Variants in DAB2IP observed in about 807,000 individuals in gnomAD.
DAB2IP encodes DAB2 interacting protein, also known as disabled homolog 2-interacting protein.
In DAB2IP, 28 loss-of-function variants were observed where a neutral mutation model predicts 107.2. The observed-to-expected ratio is 0.26, with a 90% CI of 0.19 to 0.36. DAB2IP has a LOEUF of 0.36. Among genes scored for constraint, DAB2IP ranks in the 10% least tolerant of loss-of-function variants. The probability of loss-of-function intolerance (pLI) is 1.00; values close to 1 mark genes in which losing one functional copy is unlikely to be tolerated. For missense variants in DAB2IP, 1,400 were observed against 1,644.7 expected, an observed-to-expected ratio of 0.85 and a Z score of 2.57; for synonymous variants, 755 against 706.4, an observed-to-expected ratio of 1.07 and a Z score of -1.09.
intron 4 of DAB2IP, among the ~76,000 whole-genome samples, chr9:121,758,021 A>G (rs1005001082): frequency 1.1e-4 from 17 of 152,254 alleles, no homozygotes; most frequent in African/African-American, 4.1e-4. Context: ...TTTCTGGTTC[A>G]GGACTCCTGG....
At chr9:121,768,503 G>A (rs752311929) in exon 10 of DAB2IP, 12 of 1,614,170 alleles carry the variant, frequency 7.4e-6, no homozygotes, top group South Asian at 2.2e-5. Context: ...AACATGCAGC[G>A]CTTCCTGCTG....
At chr9:121,603,503 T>C (rs78158385) in intron 1 of DAB2IP, among the ~76,000 whole-genome samples, 1,955 of 152,320 alleles carry the variant, frequency 0.013, 23 homozygotes, top group South Asian at 0.038. Context: ...AATGTGTGTA[T>C]GTGGGCAGGG....
chr9:121,703,112 G>A (rs1217753839), intron 3 of DAB2IP, among the ~76,000 whole-genome samples: 3 of 152,186 alleles, frequency 2.0e-5, no homozygotes, highest in South Asian at 2.1e-4. Flanking sequence ...CAAGTGATAA[G>A]GGACTAGGGA....
At chr9:121,645,306 G>C (rs1484183997) in intron 1 of DAB2IP, among the ~76,000 whole-genome samples, 1 of 152,202 alleles carries the variant, frequency 6.6e-6, no homozygotes, top group Non-Finnish European at 1.5e-5. Flanking sequence ...AGGAAGGAGG[G>C]CTGGGGCTGG....
chr9:121,683,266 AT>A (rs1828687326), intron 2 of DAB2IP, among the ~76,000 whole-genome samples: 1 of 152,042 alleles, frequency 6.6e-6, no homozygotes, highest in Non-Finnish European at 1.5e-5. Flanking sequence ...CCGTGGTTTG[AT>A]TTGGGAGGCA....
rs193112823 is a variant in DAB2IP, at chr9:121,596,261, A to G, written c.40+29033A>G. On this transcript the variant is annotated intron_variant, in intron 1 of 16. Coordinates refer to the DAB2IP transcript ENST00000259371. ...CAGGAGAATCTCTTGAACCCAGGAG[A>G]CAGAGGTTGCGGTGAACTGAGATCG... Among the ~76,000 whole-genome samples, 21 of 152,262 alleles carry G rather than the reference A, an allele frequency of 1.4e-4. No homozygotes were observed. In the East Asian group the frequency reaches 4.1e-3, roughly 29 times the overall value.
At chr9:121,694,682 T>C (rs1400627289) in intron 2 of DAB2IP, among the ~76,000 whole-genome samples, 1 of 152,040 alleles carries the variant, frequency 6.6e-6, no homozygotes, top group Non-Finnish European at 1.5e-5. Flanking sequence ...CCACTCAAAC[T>C]GCCCTGTGCT....
At chr9:121,594,117 T>G (rs546023240) in intron 1 of DAB2IP, among the ~76,000 whole-genome samples, 2 of 152,150 alleles carry the variant, frequency 1.3e-5, no homozygotes, top group Non-Finnish European at 2.9e-5. Flanking sequence ...ATAATAACCC[T>G]TGTGATAATC....
Position 121,773,036 on chromosome 9 carries a change from G to T in DAB2IP, c.2508G>T (p.Ala836=), listed in dbSNP as rs373684988. 3 of 1,612,114 alleles carry T rather than the reference G, an allele frequency of 1.9e-6. No individual in the cohort carries two copies. The African/African-American group carries it at 4.0e-5, about 22-fold the overall frequency. The change falls in exon 12 of 16, where the codon GCG becomes GCT. Residue 836 remains alanine (A), a synonymous_variant. Coordinates refer to ENST00000408936, the Ensembl canonical transcript of DAB2IP. ...TCCAGAACCCTGTGTACCAGATGGCGGCTGGCCTGCCGCTGTCACCCCGTG... is the reference window on the plus strand; with the variant it reads ...TCCAGAACCCTGTGTACCAGATGGCTGCTGGCCTGCCGCTGTCACCCCGTG...
chr9:121,578,800 G>T (rs903370728), intron 1 of DAB2IP, among the ~76,000 whole-genome samples: 1 of 120,896 alleles, frequency 8.3e-6, no homozygotes, highest in African/African-American at 3.1e-5. Flanking sequence ...GAGTGCAGAG[G>T]CACGATCTTG....
At chr9:121,659,450 GGT>G (rs1157696739) in intron 1 of DAB2IP, among the ~76,000 whole-genome samples, 1 of 152,136 alleles carries the variant, frequency 6.6e-6, no homozygotes, top group Non-Finnish European at 1.5e-5. Flanking sequence ...TGCAGCATAG[GGT>G]GTCATTATAG....
chr9:121,629,773 G>C (rs1031894641), intron 1 of DAB2IP, among the ~76,000 whole-genome samples: 90 of 152,142 alleles, frequency 5.9e-4, no homozygotes, highest in African/African-American at 2.1e-3. Flanking sequence ...TGAGGCAGGT[G>C]GGTGGAGATG....
chr9:121,741,054 G>A (rs1005910139), intron 3 of DAB2IP, among the ~76,000 whole-genome samples: 2 of 152,122 alleles, frequency 1.3e-5, no homozygotes, highest in African/African-American at 4.8e-5. Flanking sequence ...CTCAAGAATA[G>A]TGGCCAGATG....
Position 121,772,385 on chromosome 9 carries a change from T to C in DAB2IP, c.2079-222T>C, listed in dbSNP as rs1834825873. 6.6e-6 allele frequency among the ~76,000 whole-genome samples: 1 copy of C among 152,138 alleles called. No homozygotes were observed. The highest frequency in any genetic ancestry group is 1.5e-5 in the Non-Finnish European group (1 of 68,020). On this transcript the variant is annotated intron_variant, in intron 11 of 15. Coordinates refer to ENST00000408936, the Ensembl canonical transcript of DAB2IP. This position sits in a 1 kb window ranked among gnomAD's most constrained non-coding sequence, Gnocchi z 4.7. ...AGGCAGCGCGGCCTGAAATGTGCAG[T>C]GCTGGCCCCTAAAGAAGAGGTTCTG...
At chr9:121,631,814 A>AC (rs1831896091) in intron 1 of DAB2IP, among the ~76,000 whole-genome samples, 1 of 71,084 alleles carries the variant, frequency 1.4e-5, no homozygotes, top group South Asian at 5.1e-4. Flanking sequence ...GACTCCGTCT[A>AC]AAAAAAAAAA....
At position 121,758,755 on chromosome 9, in the gene DAB2IP, T is replaced by G. The variant is rs73664522; in HGVS notation, c.517-143T>G. On this transcript the variant is annotated intron_variant, in intron 4 of 15. Transcript: ENST00000408936. ...CAAAACATGAAGTAGAGGCGTCATA[T>G]GAGCCTTGTCCTGGCTCCTTCCTGA... The G allele has an allele frequency of 3.9e-3, 2,690 of 695,676 alleles. 57 individuals carry two copies. In the African/African-American group the frequency reaches 0.042, roughly 11 times the overall value. The allele number at this position is 695,676 out of a possible 1,614,324, so 43.1% of individuals were successfully genotyped here.
Position 121,698,735 on chromosome 9 carries a change from C to A in DAB2IP, c.229-590C>A, listed in dbSNP as rs1829561983. Among the ~76,000 whole-genome samples, 1 of 152,210 alleles carries A rather than the reference C, an allele frequency of 6.6e-6. No homozygotes were observed. Among genetic ancestry groups the A allele is most frequent in the African/African-American group, 2.4e-5 (1 of 41,454 alleles). On this transcript the variant is annotated intron_variant, in intron 2 of 15. Coordinates refer to ENST00000408936, the Ensembl canonical transcript of DAB2IP. The surrounding 1 kb of genome is among the most constrained non-coding windows in gnomAD (Gnocchi z 4.1). ...TGGCCAGGGCACTGCCAGGCGCAGG[C>A]CAGCCGGCGCCTCAGCCGACCACGC...
intron 6 of DAB2IP, among the ~76,000 whole-genome samples, chr9:121,762,306 G>C (rs1587975958): frequency 1.3e-5 from 2 of 152,276 alleles, no homozygotes; most frequent in Non-Finnish European, 2.9e-5. Flanking sequence ...CCCAGCACTG[G>C]GGCCTGGCTC....
intron 10 of DAB2IP, among the ~76,000 whole-genome samples, chr9:121,769,411 GT>G (rs1167614983): frequency 6.6e-6 from 1 of 152,156 alleles, no homozygotes; most frequent in Non-Finnish European, 1.5e-5. Flanking sequence ...TCTTCAGTTT[GT>G]TTTAAAGCAA....
Sources: gnomAD v4.1 joint callset for allele counts (sites outside exome capture counted in the v4.1 genomes callset) on GRCh38, gnomAD v4.1.1 for gene constraint, Gnocchi (gnomAD v3.1) non-coding constraint, MANE v1.5 for transcripts, NCBI Gene and HGNC (gene_info 2026-07-23, HGNC 2026-07-21) for gene names.